LUC7L: variants seen among roughly 807,000 people sequenced by gnomAD.
LUC7L encodes the protein putative RNA-binding protein Luc7-like 1.
Under a neutral mutation model 51.1 loss-of-function variants are expected in LUC7L, and 29 were observed. The observed-to-expected ratio is 0.57, with a 90% CI of 0.42 to 0.77. The LOEUF is 0.77. Among genes scored for constraint, LUC7L ranks in the 30% least tolerant of loss-of-function variants. The pLI is 0.00. For missense variants in LUC7L, 403 were observed against 511.9 expected, an observed-to-expected ratio of 0.79 and a Z score of 2.05; for synonymous variants, 181 against 180.7, an observed-to-expected ratio of 1.00 and a Z score of -0.01.
chr16:227,594 G>T (rs139347877), intron 1 of LUC7L: 1 of 1,289,238 alleles, frequency 7.8e-7, no homozygotes, highest in Non-Finnish European at 9.9e-7. Flanking sequence ...GGAGTCAGAC[G>T]TAAACAGCTG....
At chr16:204,930 G>T (rs1320899010) in intron 5 of LUC7L, among the ~76,000 whole-genome samples, 1 of 152,184 alleles carries the variant, frequency 6.6e-6, no homozygotes, top group Non-Finnish European at 1.5e-5. Context: ...TTTTACTGCA[G>T]TAGGAATGTA....
chr16:210,826 C>T (rs528680357), intron 3 of LUC7L, among the ~76,000 whole-genome samples: 17 of 150,188 alleles, frequency 1.1e-4, no homozygotes, highest in Admixed American at 9.9e-4. Context: ...CTGAGGTGGG[C>T]GGATCACGGG....
intron 3 of LUC7L, among the ~76,000 whole-genome samples, chr16:219,823 C>T (rs978673394): frequency 2.0e-5 from 3 of 151,614 alleles, no homozygotes; most frequent in African/African-American, 7.3e-5. Context: ...GAGCCAAGAT[C>T]GCACTACTGC....
intron 2 of LUC7L, among the ~76,000 whole-genome samples, chr16:225,210 G>A (rs903074270): frequency 6.6e-6 from 1 of 151,938 alleles, no homozygotes; most frequent in South Asian, 2.1e-4. Flanking sequence ...AGTTCTGGCC[G>A]GGCGCAGTGT....
rs146451781 is a variant in LUC7L at position 224,406 on chromosome 16, C to G, written c.156+2836G>C. Among the ~76,000 whole-genome samples, 4 of 151,920 alleles carry G rather than the reference C, an allele frequency of 2.6e-5. No individual in the cohort carries two copies. The East Asian group carries it at 7.7e-4, about 29-fold the overall frequency. On this transcript the variant is annotated intron_variant, in intron 2 of 9. Coordinates refer to ENST00000293872, the MANE Select transcript of LUC7L (RefSeq NM_201412.3). ...TGGTAGCGCACGTTTGTAATCCCAG[C>G]TACTCGGGAGGCTGAGGCAGGAGAA...
chr16:189,428 C>T, intron 9 of LUC7L, 89 bp from the exon 10 acceptor site: 14 of 1,479,908 alleles, frequency 9.5e-6, no homozygotes, highest in Non-Finnish European at 1.3e-5. Context: ...GCAGACCAGG[C>T]CAGGCAAGGC....
intron 9 of LUC7L, chr16:189,593 A>C (rs1596584828): frequency 7.4e-7 from 1 of 1,354,206 alleles, no homozygotes; most frequent in East Asian, 2.6e-5. Context: ...AGAATACAAC[A>C]CTATATGCAC....
chr16:220,838 G>C (rs185171958), intron 2 of LUC7L, 91 bp from the exon 3 acceptor site: 1 of 788,262 alleles, frequency 1.3e-6, no homozygotes, highest in East Asian at 2.5e-5. Context: ...GTCACCAACA[G>C]AAATGATCAC....
chr16:201,737 CTTTTT>C (rs34083330), intron 5 of LUC7L, among the ~76,000 whole-genome samples: 25 of 54,300 alleles, frequency 4.6e-4, no homozygotes, highest in African/African-American at 1.1e-3. Context: ...CCGCACCAGG[CTTTTT>C]TTTTTTTTTT....
intron 5 of LUC7L, 61 bp downstream of exon 5, chr16:205,943 A>C: frequency 1.3e-6 from 2 of 1,559,356 alleles, no homozygotes; most frequent in Non-Finnish European, 1.7e-6. Context: ...AATTAATTCC[A>C]ACGGTCAACG....
intron 5 of LUC7L, among the ~76,000 whole-genome samples, chr16:205,348 A>G (rs1008715174): frequency 4.6e-5 from 7 of 152,186 alleles, no homozygotes; most frequent in Admixed American, 2.0e-4. Context: ...TTACCTTTTC[A>G]TAATAGACTT....
chr16:218,455 T>C (rs761883119), intron 3 of LUC7L, among the ~76,000 whole-genome samples: 1 of 152,188 alleles, frequency 6.6e-6, no homozygotes, highest in Non-Finnish European at 1.5e-5. Flanking sequence ...CACAGTGTAA[T>C]CACACCTGTA....
intron 9 of LUC7L, 98 bp from the exon 10 acceptor site, chr16:189,437 G>A: frequency 1.4e-6 from 2 of 1,468,352 alleles, no homozygotes; most frequent in Non-Finnish European, 9.0e-7. Flanking sequence ...GCCAGGCAAG[G>A]CCCTACATCC....
intron 3 of LUC7L, among the ~76,000 whole-genome samples, chr16:213,195 A>G (rs1312113024): frequency 6.6e-6 from 1 of 152,210 alleles, no homozygotes; most frequent in African/African-American, 2.4e-5. Context: ...CAACTTCCAG[A>G]TAAAACATAT....
At chr16:220,453 C>A in intron 3 of LUC7L, 196 bp downstream of exon 3, 1 of 518,310 alleles carries the variant, frequency 1.9e-6, no homozygotes, top group Non-Finnish European at 3.4e-6. Context: ...CACATATTAT[C>A]ATTTAGGACA....
At chr16:200,919 T>C (rs1376723957) in intron 5 of LUC7L, among the ~76,000 whole-genome samples, 2 of 151,882 alleles carry the variant, frequency 1.3e-5, no homozygotes, top group Non-Finnish European at 2.9e-5. Context: ...GCACAGTGGC[T>C]AACACCTGCA....
chr16:227,364 G>C (rs368855261), intron 1 of LUC7L, 28 bp from the exon 2 acceptor site: 6 of 1,581,282 alleles, frequency 3.8e-6, no homozygotes, highest in Non-Finnish European at 5.2e-6. Flanking sequence ...TTTTAAATAA[G>C]ACAATATTAT....
chr16:228,766 G>A (rs1377409970), intron 1 of LUC7L: 23 of 1,279,282 alleles, frequency 1.8e-5, no homozygotes, highest in South Asian at 2.5e-5. Context: ...GGGGCAGCTG[G>A]AAAAGTACTT....
At position 229,444 on chromosome 16, in the gene LUC7L, C is replaced by G; in HGVS notation, c.-105G>C. ...TCGCGTCGGCCTCGAGCCCACTCGG[C>G]TCTTTCCCGCCGCGGGGGACGCCGG... On this transcript the variant is annotated 5_prime_UTR_variant, in exon 1 of 10. Coordinates refer to ENST00000293872, the MANE Select transcript of LUC7L (RefSeq NM_201412.3). The G allele has an allele frequency of 9.9e-7, 1 of 1,011,560 alleles. No homozygotes were observed. Among genetic ancestry groups the G allele is most frequent in the South Asian group, 1.9e-5 (1 of 51,666 alleles). 62.7% of individuals were successfully genotyped at this position (1,011,560 alleles called of 1,614,324 possible).
Sources: allele counts gnomAD v4.1 joint callset (sites outside exome capture counted in the v4.1 genomes callset), GRCh38; gene constraint gnomAD v4.1.1; transcripts MANE v1.5; gene names NCBI Gene and HGNC (gene_info 2026-07-23, HGNC 2026-07-21).